Variants in VWA3B observed in about 807,000 individuals in gnomAD.
The protein encoded by VWA3B is von Willebrand factor A domain containing 3B, also known as von Willebrand factor A domain-containing protein 3B.
A neutral mutation model predicts 158.3 loss-of-function variants in VWA3B; 138 were observed. The observed-to-expected ratio is 0.87, with a 90% CI of 0.76 to 1.00. VWA3B has a LOEUF of 1.00. Ranked by LOEUF, VWA3B falls within the 50% of genes least tolerant of loss-of-function variation. VWA3B has a pLI of 0.00. For synonymous variants in VWA3B, 596 were observed against 587.3 expected, an observed-to-expected ratio of 1.01 and a Z score of -0.21; for missense variants, 1,555 against 1,565.1, an observed-to-expected ratio of 0.99 and a Z score of 0.11.
intron 14 of VWA3B, among the ~76,000 whole-genome samples, chr2:98,221,911 C>T (rs1215336278): frequency 6.6e-6 from 1 of 152,104 alleles, no homozygotes; most frequent in Non-Finnish European, 1.5e-5. Flanking sequence ...CGAAGCTGAG[C>T]CTCTACAAAG....
intron 21 of VWA3B, among the ~76,000 whole-genome samples, chr2:98,260,229 G>T (rs1687398143): frequency 6.6e-6 from 1 of 151,578 alleles, no homozygotes; most frequent in Admixed American, 6.6e-5. Context: ...TGTTTGTTAA[G>T]TCTAGTTCAT....
Position 98,312,609 on chromosome 2 carries a change from T to C in VWA3B, c.*260T>C. 1 of 409,038 alleles carries C rather than the reference T, an allele frequency of 2.4e-6. No individual in the cohort carries two copies. The highest frequency in any genetic ancestry group is 4.3e-6 in the Non-Finnish European group (1 of 230,828). The allele number at this position is 409,038 out of a possible 1,614,324, so 25.3% of individuals were successfully genotyped here. ...ACTCACAAAATTGTATTCCATCTTC[T>C]GGTAGACGCCCCACCCCCAGAAGTT... On this transcript the variant is annotated 3_prime_UTR_variant, in exon 28 of 28. Transcript: ENST00000477737.
At chr2:98,248,944 A>C (rs1686619281) in intron 19 of VWA3B, among the ~76,000 whole-genome samples, 1 of 112,366 alleles carries the variant, frequency 8.9e-6, no homozygotes, top group Non-Finnish European at 1.9e-5. Flanking sequence ...TCTTTGTATT[A>C]TTTTCTTAAA....
At chr2:98,265,145 A>C (rs893983182) in intron 21 of VWA3B, among the ~76,000 whole-genome samples, 6 of 151,036 alleles carry the variant, frequency 4.0e-5, no homozygotes, top group Non-Finnish European at 8.9e-5. Flanking sequence ...TGCACCCACT[A>C]ACTCATCATC....
intron 12 of VWA3B, among the ~76,000 whole-genome samples, chr2:98,202,895 T>C (rs527890087): frequency 2.0e-5 from 3 of 152,242 alleles, no homozygotes; most frequent in African/African-American, 7.2e-5. Context: ...TGCAGTGGCA[T>C]GATCTCGGCT....
Position 98,255,180 on chromosome 2 carries a change from A to ATTTT in VWA3B, c.2793-943_2793-942insTTTT, listed in dbSNP as rs1302034902. On this transcript the variant is annotated intron_variant, in intron 20 of 27. Transcript: ENST00000477737. ...AGTCGCCCGCCACCACGCCCGGCTG[A>ATTTT]TATTTTTTTTTTTTTTTTTTTTTTT... Among the ~76,000 whole-genome samples the ATTTT allele has an allele frequency of 2.7e-4, 18 of 65,932 alleles. 1 individual carries two copies. The highest frequency in any genetic ancestry group is 1.1e-3 in the African/African-American group (17 of 15,282). 43.3% of individuals were successfully genotyped at this position (65,932 alleles called of 152,430 possible).
intron 21 of VWA3B, among the ~76,000 whole-genome samples, chr2:98,258,404 T>C (rs1687284580): frequency 6.6e-6 from 1 of 151,862 alleles, no homozygotes; most frequent in Admixed American, 6.6e-5. Flanking sequence ...AAAATTGGAA[T>C]TTTTGTAGGG....
In VWA3B at chr2:98,250,333, C is replaced by T; in HGVS notation, c.2689C>T (p.His897Tyr). Residue 897 changes from histidine to tyrosine, a missense_variant, in exon 20 of 28, where the codon CAT (histidine) becomes TAT (tyrosine). By Grantham distance (83) the His-to-Tyr change is moderately conservative. Coordinates refer to ENST00000477737, the MANE Select transcript of VWA3B (RefSeq NM_144992.5). ...KVFDEVFPLAHVCNDTNKMTL... is the reference protein window; with the variant it reads ...KVFDEVFPLAYVCNDTNKMTL... ...TGACATGCAGGTGTTCCCTCTGGCA[C>T]ATGTGTGCAACGACACAAATAAGAT... 1.9e-6 allele frequency: 3 copies of T among 1,612,472 alleles called. No homozygotes were observed. In the South Asian group the frequency reaches 3.3e-5, roughly 18 times the overall value.
At position 98,194,434 on chromosome 2, in the gene VWA3B, T is replaced by G. The variant is rs757072937; in HGVS notation, c.1679T>G (p.Leu560Arg). Residue 560 changes from leucine to arginine, a missense_variant, in exon 12 of 28, where the codon CTT becomes CGT. By Grantham distance (102) the Leu-to-Arg change is moderately radical. Transcript: ENST00000477737. ...DGQAVAWREQ[L>R]AEVNEDNLEQ... ...CAAGCAGTTGCTTGGCGGGAACAAC[T>G]TGCTGAAGTCAATGAAGATAATTTG... 7 of 1,614,038 alleles carry G rather than the reference T, an allele frequency of 4.3e-6. No homozygotes were observed. The highest frequency in any genetic ancestry group is 5.9e-6 in the Non-Finnish European group (7 of 1,180,016).
At position 98,182,692 on chromosome 2, in the gene VWA3B, G is replaced by A. The variant is rs544852959; in HGVS notation, c.1311+1480G>A. On this transcript the variant is annotated intron_variant, in intron 9 of 27. Coordinates refer to ENST00000477737, the MANE Select transcript of VWA3B (RefSeq NM_144992.5). ...CCCAGCACTTTGGGAGGCCAAGGCG[G>A]GCAGATCACTTGAGGTCAGGAGTTC... Among the ~76,000 whole-genome samples, 966 of 152,254 alleles carry A rather than the reference G, an allele frequency of 6.3e-3. 7 individuals carry two copies. Among genetic ancestry groups the A allele is most frequent in the Non-Finnish European group, 8.2e-3 (558 of 68,026 alleles).
At chr2:98,135,340 T>C (rs1489143503) in intron 7 of VWA3B, among the ~76,000 whole-genome samples, 7 of 130,210 alleles carry the variant, frequency 5.4e-5, no homozygotes, top group Admixed American at 1.5e-4. Flanking sequence ...TTTTTTTTTT[T>C]TTTTTTTTTT....
chr2:98,120,305 A>G (rs1415128029), intron 4 of VWA3B, among the ~76,000 whole-genome samples: 3 of 152,238 alleles, frequency 2.0e-5, no homozygotes, highest in African/African-American at 7.2e-5. Context: ...TTAACTTCTC[A>G]TCTGGAAAAG....
intron 7 of VWA3B, among the ~76,000 whole-genome samples, chr2:98,161,585 T>A (rs547433946): frequency 4.6e-5 from 7 of 152,152 alleles, no homozygotes; most frequent in Admixed American, 4.6e-4. Context: ...TTCAAGATTT[T>A]AAAAATTAAC....
intron 7 of VWA3B, among the ~76,000 whole-genome samples, chr2:98,140,733 T>C (rs1334725254): frequency 6.6e-6 from 1 of 152,216 alleles, no homozygotes; most frequent in African/African-American, 2.4e-5. Context: ...TTGTCTTCCC[T>C]TCTCTGTTAA....
At chr2:98,099,283 G>A (rs963417973) in intron 2 of VWA3B, 6 of 152,044 alleles carry the variant, frequency 3.9e-5, no homozygotes, top group East Asian at 1.9e-4. Flanking sequence ...AACTCCCTCG[G>A]CTTTTGTTTA....
In VWA3B at chr2:98,312,619, C is replaced by T. The variant is rs750295604; in HGVS notation, c.*270C>T. The T allele has an allele frequency of 1.0e-5, 4 of 386,754 alleles. No individual in the cohort carries two copies. Among genetic ancestry groups the T allele is most frequent in the Non-Finnish European group, 1.8e-5 (4 of 216,624 alleles). The allele number at this position is 386,754 out of a possible 1,614,324, so 24.0% of individuals were successfully genotyped here. On this transcript the variant is annotated 3_prime_UTR_variant, in exon 28 of 28. Transcript: ENST00000477737. Reference sequence around the variant, plus strand: ...TTGTATTCCATCTTCTGGTAGACGCCCCACCCCCAGAAGTTTTAACCTGAA... The same window carrying T: ...TTGTATTCCATCTTCTGGTAGACGCTCCACCCCCAGAAGTTTTAACCTGAA...
chr2:98,295,864 G>A (rs1252826675), intron 23 of VWA3B, among the ~76,000 whole-genome samples: 1 of 152,202 alleles, frequency 6.6e-6, no homozygotes, highest in Non-Finnish European at 1.5e-5. Context: ...GGTGGGACAG[G>A]CCAGTCCTGG....
intron 22 of VWA3B, among the ~76,000 whole-genome samples, chr2:98,271,745 A>G (rs1029425346): frequency 6.6e-6 from 1 of 152,216 alleles, no homozygotes; most frequent in African/African-American, 2.4e-5. Context: ...GTTAAGATAC[A>G]GCCTTAGAAG....
In VWA3B at chr2:98,230,146, G is replaced by A; in HGVS notation, c.2247G>A (p.Met749Ile). The A allele has an allele frequency of 6.2e-7, 1 of 1,611,156 alleles. No homozygotes were observed. Reference sequence around the variant, plus strand: ...CAACACAAACTTCATCTCTGAATATGTTGAAGGGACCATGGGGCCTTTCAG... The same window carrying A: ...CAACACAAACTTCATCTCTGAATATATTGAAGGGACCATGGGGCCTTTCAG... ...VDSTQTSSLN[M>I]LKGPWGLSDQ... The change falls in exon 16 of 28, where the codon ATG becomes ATA. Residue 749 changes from methionine to isoleucine, a missense_variant. Transcript: ENST00000477737.
Sources: gnomAD v4.1 joint callset for allele counts (sites outside exome capture counted in the v4.1 genomes callset) on GRCh38, gnomAD v4.1.1 for gene constraint, MANE v1.5 for transcripts, NCBI Gene and HGNC (gene_info 2026-07-23, HGNC 2026-07-21) for gene names.